INTS9: variants seen among roughly 807,000 people sequenced by gnomAD.
The protein encoded by INTS9 is integrator complex subunit 9.
In INTS9, 55 loss-of-function variants were observed where a neutral mutation model predicts 79.7. The ratio of observed to expected loss-of-function variants is 0.69; its 90% confidence interval spans 0.56 to 0.86. The LOEUF (loss-of-function observed/expected upper bound fraction) is 0.86, where lower values mean the gene tolerates loss of function less well. Ranked by LOEUF, INTS9 falls within the 40% of genes least tolerant of loss-of-function variation. INTS9 has a pLI of 0.00. For missense variants in INTS9, 721 were observed against 831.5 expected (o/e 0.87, Z 1.64); for synonymous variants, 319 against 325.2 (o/e 0.98, Z 0.20).
At chr8:28,844,130 T>C (rs1807357378) in intron 4 of INTS9, among the ~76,000 whole-genome samples, 1 of 152,258 alleles carries the variant, frequency 6.6e-6, no homozygotes, top group Non-Finnish European at 1.5e-5. Flanking sequence ...AGTTATATAC[T>C]GTACTACAGT....
chr8:28,879,942 A>T (rs1809608482), intron 1 of INTS9, among the ~76,000 whole-genome samples: 1 of 152,114 alleles, frequency 6.6e-6, no homozygotes, highest in South Asian at 2.1e-4. Context: ...GAAATGCGCT[A>T]AATCTGGATC....
intron 6 of INTS9, among the ~76,000 whole-genome samples, chr8:28,815,550 TGGATTTG>T (rs1805421221): frequency 6.6e-6 from 1 of 152,198 alleles, no homozygotes; most frequent in Non-Finnish European, 1.5e-5. Context: ...CTTTGGATTT[TGGATTTG>T]GGATGCTCAA....
intron 8 of INTS9, among the ~76,000 whole-genome samples, chr8:28,804,385 G>A (rs1459760964): frequency 6.6e-6 from 1 of 152,224 alleles, no homozygotes; most frequent in African/African-American, 2.4e-5. Context: ...GCGGGTGGAG[G>A]AGAGGCTGGG....
intron 6 of INTS9, among the ~76,000 whole-genome samples, chr8:28,828,798 A>G (rs1309722253): frequency 6.6e-6 from 1 of 151,972 alleles, no homozygotes; most frequent in African/African-American, 2.4e-5. Context: ...TCCCAGGTTC[A>G]AGCGATTCTC....
chr8:28,878,626 C>T (rs965170702), intron 1 of INTS9, among the ~76,000 whole-genome samples: 4 of 144,796 alleles, frequency 2.8e-5, no homozygotes, highest in Non-Finnish European at 6.0e-5. Flanking sequence ...CTGGCCTTCA[C>T]TGTTTTTTTT....
chr8:28,769,184 G>A (rs369237038), intron 16 of INTS9, among the ~76,000 whole-genome samples: 3 of 152,156 alleles, frequency 2.0e-5, no homozygotes, highest in South Asian at 2.1e-4. Context: ...TTTGAAAGTC[G>A]GCAACTGTGA....
At chr8:28,884,709 A>G (rs911681603) in intron 1 of INTS9, among the ~76,000 whole-genome samples, 15 of 152,220 alleles carry the variant, frequency 9.9e-5, no homozygotes, top group Non-Finnish European at 1.9e-4. Flanking sequence ...AAAAGCTTGA[A>G]ATGACATTAC....
intron 2 of INTS9, among the ~76,000 whole-genome samples, chr8:28,854,988 T>C (rs1198423943): frequency 6.6e-6 from 1 of 152,166 alleles, no homozygotes; most frequent in Non-Finnish European, 1.5e-5. Flanking sequence ...GGCTGTGTAG[T>C]ATTCCATGGT....
chr8:28,776,447 T>TTG (rs1802894412), intron 13 of INTS9, among the ~76,000 whole-genome samples: 1 of 149,822 alleles, frequency 6.7e-6, no homozygotes, highest in Non-Finnish European at 1.5e-5. Context: ...TTTGTTTTTT[T>TTG]TTTTAAACAA....
At chr8:28,813,433 AAAC>A in intron 7 of INTS9, 56 bp downstream of exon 7, 1 of 1,543,030 alleles carries the variant, frequency 6.5e-7, no homozygotes, top group Non-Finnish European at 8.9e-7. Flanking sequence ...TCCAAACAAC[AAAC>A]AACAATATGA....
At chr8:28,861,980 A>C (rs1324938060) in intron 1 of INTS9, 2 of 582,340 alleles carry the variant, frequency 3.4e-6, no homozygotes, top group East Asian at 2.9e-4. Context: ...CTGAAGACAC[A>C]CAGCGAGGTC....
At chr8:28,793,052 CG>C (rs1430842858) in intron 10 of INTS9, among the ~76,000 whole-genome samples, 2 of 152,032 alleles carry the variant, frequency 1.3e-5, no homozygotes, top group Non-Finnish European at 2.9e-5. Flanking sequence ...TTGGGGGCAG[CG>C]TAACTGAATA....
At chr8:28,796,128 G>A (rs1195084140) in intron 9 of INTS9, among the ~76,000 whole-genome samples, 1 of 152,164 alleles carries the variant, frequency 6.6e-6, no homozygotes, top group African/African-American at 2.4e-5. Context: ...TGGCCAACAT[G>A]GTGAAACCAT....
intron 1 of INTS9, among the ~76,000 whole-genome samples, chr8:28,887,882 CATATTTCTAA>C (rs756390657): frequency 1.3e-5 from 2 of 152,148 alleles, no homozygotes; most frequent in Non-Finnish European, 2.9e-5. Flanking sequence ...TCCCCGGTTT[CATATTTCTAA>C]ATAAATTAAG....
At chr8:28,829,072 T>C (rs1386463644) in intron 6 of INTS9, among the ~76,000 whole-genome samples, 1 of 152,238 alleles carries the variant, frequency 6.6e-6, no homozygotes, top group Non-Finnish European at 1.5e-5. Context: ...CAAGACTATA[T>C]CAATGCTTCA....
intron 1 of INTS9, among the ~76,000 whole-genome samples, chr8:28,873,728 C>T (rs967463774): frequency 1.3e-5 from 2 of 152,206 alleles, no homozygotes; most frequent in Admixed American, 6.5e-5. Flanking sequence ...TAAAACCAAA[C>T]AAGCACCCTG....
chr8:28,860,413 G>A (rs943031397), intron 1 of INTS9, among the ~76,000 whole-genome samples: 3 of 151,574 alleles, frequency 2.0e-5, no homozygotes, highest in Non-Finnish European at 4.4e-5. Flanking sequence ...CCTCCCTTGA[G>A]CAACAGAGCC....
intron 9 of INTS9, among the ~76,000 whole-genome samples, chr8:28,795,867 A>C (rs1804189357): frequency 6.6e-6 from 1 of 152,188 alleles, no homozygotes; most frequent in Non-Finnish European, 1.5e-5. Flanking sequence ...TATTTGTCTA[A>C]ATGAGAAGCA....
intron 3 of INTS9, 30 bp downstream of exon 3, chr8:28,850,183 T>G: frequency 1.3e-6 from 2 of 1,583,942 alleles, no homozygotes; most frequent in South Asian, 1.1e-5. Flanking sequence ...TGGCTGTAGA[T>G]AGGCTTTAGT....
Sources: allele counts gnomAD v4.1 joint callset (sites outside exome capture counted in the v4.1 genomes callset), GRCh38; gene constraint gnomAD v4.1.1; transcripts MANE v1.5; gene names NCBI Gene and HGNC (gene_info 2026-07-23, HGNC 2026-07-21).